SOX5: variants seen among roughly 807,000 people sequenced by gnomAD.
The protein encoded by SOX5 is SRY-box transcription factor 5.
A neutral mutation model predicts 92.0 loss-of-function variants in SOX5; 9 were observed. The observed-to-expected ratio is 0.10, with a 90% CI of 0.06 to 0.17. SOX5 has a LOEUF of 0.17. SOX5 is among the 10% of genes least tolerant of loss of function. SOX5 has a pLI of 1.00. For missense variants in SOX5, 642 were observed against 944.5 expected, an observed-to-expected ratio of 0.68 and a Z score of 4.20; for synonymous variants, 344 against 336.3, an observed-to-expected ratio of 1.02 and a Z score of -0.25.
At chr12:23,970,686 T>C (rs547697025) in intron 4 of SOX5, among the ~76,000 whole-genome samples, 5 of 150,460 alleles carry the variant, frequency 3.3e-5, no homozygotes, top group Admixed American at 1.3e-4. Context: ...TCCATTCATG[T>C]GTTGATAAAC....
intron 4 of SOX5, among the ~76,000 whole-genome samples, chr12:24,139,176 A>G (rs1950354031): frequency 6.6e-6 from 1 of 152,222 alleles, no homozygotes; most frequent in East Asian, 1.9e-4. Flanking sequence ...AGGCAGACAC[A>G]AAATTTAATT....
At chr12:23,780,600 G>T (rs1041045457) in intron 3 of SOX5, among the ~76,000 whole-genome samples, 1 of 152,120 alleles carries the variant, frequency 6.6e-6, no homozygotes, top group African/African-American at 2.4e-5. Flanking sequence ...TAAACCAGTA[G>T]ATTTAGAACA....
intron 1 of SOX5, among the ~76,000 whole-genome samples, chr12:24,457,264 A>G (rs1388484824): frequency 2.6e-5 from 4 of 152,158 alleles, no homozygotes; most frequent in Admixed American, 6.5e-5. Context: ...AAAACCTAAT[A>G]ATGTCAATGG....
At chr12:24,424,797 AG>A (rs1477287808) in intron 1 of SOX5, among the ~76,000 whole-genome samples, 2 of 100,384 alleles carry the variant, frequency 2.0e-5, no homozygotes, top group Admixed American at 2.4e-4. Flanking sequence ...TTTCTTTGTG[AG>A]TTTTTTTTTT....
chr12:23,839,230 A>G (rs1809793503), intron 3 of SOX5, among the ~76,000 whole-genome samples: 1 of 151,836 alleles, frequency 6.6e-6, no homozygotes, highest in African/African-American at 2.4e-5. Flanking sequence ...GTTGGGACTT[A>G]CTCATGGGGA....
chr12:23,623,444 A>G (rs1006478285), intron 8 of SOX5, among the ~76,000 whole-genome samples: 3 of 152,130 alleles, frequency 2.0e-5, no homozygotes, highest in Non-Finnish European at 2.9e-5. Context: ...AGATTATAAG[A>G]TGTAGCCCAG....
intron 1 of SOX5, among the ~76,000 whole-genome samples, chr12:24,494,231 T>C (rs1435822215): frequency 6.6e-6 from 1 of 152,036 alleles, no homozygotes; most frequent in Admixed American, 6.5e-5. Context: ...GGGCAGGTAA[T>C]AAGAAAATAT....
chr12:23,578,493 T>G (rs552906632), intron 9 of SOX5, among the ~76,000 whole-genome samples: 62 of 152,106 alleles, frequency 4.1e-4, no homozygotes, highest in African/African-American at 1.4e-3. Flanking sequence ...TGAAAAAGTT[T>G]TATTAGACTT....
chr12:23,903,129 TAGAC>T (rs2097254295), intron 1 of SOX5, among the ~76,000 whole-genome samples: 1 of 152,178 alleles, frequency 6.6e-6, no homozygotes, highest in Non-Finnish European at 1.5e-5. Context: ...ATGTGCCCGT[TAGAC>T]AGCAACATAA....
intron 2 of SOX5, among the ~76,000 whole-genome samples, chr12:23,869,896 T>G (rs2096855134): frequency 6.6e-6 from 1 of 152,134 alleles, no homozygotes; most frequent in East Asian, 1.9e-4. Flanking sequence ...ATTAAGACTT[T>G]TATGTGTATC....
chr12:23,610,897 G>C (rs960884209), intron 8 of SOX5, among the ~76,000 whole-genome samples: 2 of 152,056 alleles, frequency 1.3e-5, no homozygotes, highest in South Asian at 2.1e-4. Flanking sequence ...AAAGGCAACA[G>C]AACCAAGAGT....
intron 4 of SOX5, among the ~76,000 whole-genome samples, chr12:24,186,020 C>T (rs894578643): frequency 4.6e-5 from 7 of 152,050 alleles, no homozygotes; most frequent in African/African-American, 1.7e-4. Context: ...AGAAAGACAA[C>T]AACCACAGGT....
intron 4 of SOX5, among the ~76,000 whole-genome samples, chr12:24,185,157 A>G (rs575957562): frequency 6.6e-6 from 1 of 152,294 alleles, no homozygotes; most frequent in East Asian, 1.9e-4. Context: ...CTATACCCTT[A>G]CACAGATATA....
chr12:23,740,113 A>G (rs2093743232), intron 5 of SOX5, among the ~76,000 whole-genome samples: 1 of 152,162 alleles, frequency 6.6e-6, no homozygotes, highest in African/African-American at 2.4e-5. Context: ...TAACCTAAGA[A>G]ACACCTGAGC....
chr12:24,300,487 C>T (rs1237946734), intron 2 of SOX5, among the ~76,000 whole-genome samples: 1 of 152,112 alleles, frequency 6.6e-6, no homozygotes, highest in Admixed American at 6.6e-5. Context: ...TGCAACGAGA[C>T]CAATATTCAC....
intron 13 of SOX5, among the ~76,000 whole-genome samples, chr12:23,542,853 T>C (rs900270288): frequency 1.1e-4 from 16 of 152,322 alleles, no homozygotes; most frequent in African/African-American, 3.4e-4. Flanking sequence ...TAACAGTAAG[T>C]TGTCTATAGT....
At position 23,907,163 on chromosome 12, in the gene SOX5, T is replaced by A. The variant is rs527438191; in HGVS notation, c.39-11139A>T. On this transcript the variant is annotated intron_variant, in intron 1 of 14. Transcript: ENST00000451604. ...GAGGTGTCTGTGTCTTGTTTATATA[T>A]GCAACCATGTGTGTGCATGTGTGTA... is the stretch of plus-strand genomic sequence containing the variant. Among the ~76,000 whole-genome samples, 36 of 152,254 alleles carry A rather than the reference T, an allele frequency of 2.4e-4. No individual in the cohort carries two copies. The South Asian group carries it at 7.1e-3, about 30-fold the overall frequency.
intron 4 of SOX5, among the ~76,000 whole-genome samples, chr12:24,000,996 AC>A (rs1951548092): frequency 6.6e-6 from 1 of 152,234 alleles, no homozygotes; most frequent in Non-Finnish European, 1.5e-5. Flanking sequence ...TTTCAAGAAT[AC>A]ATGGAGCATT....
In SOX5 at chr12:23,709,370, G is replaced by A. The variant is rs367808708; in HGVS notation, c.810+25314C>T. On this transcript the variant is annotated intron_variant, in intron 6 of 14. Transcript: ENST00000451604. ...TCCTCCAACCTCACCCTCCCAGTGTGTTGGGATTACAGGCGTGAGCTACAA... is the reference window on the plus strand; with the variant it reads ...TCCTCCAACCTCACCCTCCCAGTGTATTGGGATTACAGGCGTGAGCTACAA... Among the ~76,000 whole-genome samples, 5 of 152,258 alleles carry A rather than the reference G, an allele frequency of 3.3e-5. No individual in the cohort carries two copies. The South Asian group carries it at 1.0e-3, about 32-fold the overall frequency.
Sources: gnomAD v4.1 joint callset for allele counts (sites outside exome capture counted in the v4.1 genomes callset) on GRCh38, gnomAD v4.1.1 for gene constraint, MANE v1.5 for transcripts, NCBI Gene and HGNC (gene_info 2026-07-23, HGNC 2026-07-21) for gene names.